MALRD1: variants seen among roughly 807,000 people sequenced by gnomAD.
MALRD1 encodes the protein MAM and LDL receptor class A domain containing 1, also known as MAM and LDL-receptor class A domain-containing protein 1.
A neutral mutation model predicts 242.1 loss-of-function variants in MALRD1; 247 were observed. The observed-to-expected ratio is 1.02, with a 90% CI of 0.92 to 1.13. The LOEUF (loss-of-function observed/expected upper bound fraction) is 1.13. Among genes scored for constraint, MALRD1 ranks in the 50% most tolerant of loss-of-function variants. The pLI, the probability that MALRD1 is intolerant of heterozygous loss-of-function variation, is 0.00. For synonymous variants in MALRD1, 995 were observed against 866.6 expected, an observed-to-expected ratio of 1.15 and a Z score of -2.60; for missense variants, 2,989 against 2,533.1, an observed-to-expected ratio of 1.18 and a Z score of -3.86.
intron 18 of MALRD1, among the ~76,000 whole-genome samples, chr10:19,241,643 T>C (rs1053193556): frequency 5.9e-5 from 9 of 152,108 alleles, no homozygotes; most frequent in African/African-American, 2.2e-4. Flanking sequence ...TGTATAATTT[T>C]GCTTTGTGAT....
intron 27 of MALRD1, chr10:19,389,200 C>G (rs750954686): frequency 1.7e-6 from 1 of 576,288 alleles, no homozygotes; most frequent in Non-Finnish European, 3.3e-6. Context: ...GTTGATGCGA[C>G]GGCATAAATA....
chr10:19,328,213 G>A (rs1843216537), intron 23 of MALRD1, among the ~76,000 whole-genome samples: 2 of 152,094 alleles, frequency 1.3e-5, no homozygotes, highest in African/African-American at 4.8e-5. Context: ...CTAGTACGAA[G>A]ATGAAAATGT....
chr10:19,201,527 C>T (rs191832028), intron 14 of MALRD1, among the ~76,000 whole-genome samples: 413 of 152,160 alleles, frequency 2.7e-3, no homozygotes, highest in Non-Finnish European at 4.5e-3. Context: ...GCTTTCTCCC[C>T]GTATTTACAT....
chr10:19,560,502 C>G (rs1835915470), intron 32 of MALRD1, among the ~76,000 whole-genome samples: 1 of 152,004 alleles, frequency 6.6e-6, no homozygotes, highest in Non-Finnish European at 1.5e-5. Context: ...TAAATAAAGA[C>G]ACATGCACAT....
chr10:19,466,198 A>T (rs1446246364), intron 29 of MALRD1, among the ~76,000 whole-genome samples: 1 of 152,082 alleles, frequency 6.6e-6, no homozygotes, highest in African/African-American at 2.4e-5. Flanking sequence ...ATTTATTCAG[A>T]AGTGGTCTGT....
chr10:19,113,686 C>G (rs761292011), intron 5 of MALRD1, among the ~76,000 whole-genome samples: 5 of 151,420 alleles, frequency 3.3e-5, no homozygotes, highest in Non-Finnish European at 7.4e-5. Context: ...TGTCCTTCCA[C>G]CATTTATGCT....
At position 19,331,596 on chromosome 10, in the gene MALRD1, T is replaced by A; in HGVS notation, c.3901+14T>A. Reference sequence around the variant, plus strand: ...CTTTCATTTGCCGTAAGTAAAAGGGTTCTGTTTTCTTACTTTTGCCTTCAA... The same window carrying A: ...CTTTCATTTGCCGTAAGTAAAAGGGATCTGTTTTCTTACTTTTGCCTTCAA... On this transcript the variant is annotated intron_variant, in intron 24 of 39. Coordinates refer to ENST00000454679, the MANE Select transcript of MALRD1 (RefSeq NM_001142308.3). 1 of 1,544,182 alleles carries A rather than the reference T, an allele frequency of 6.5e-7. No individual in the cohort carries two copies. The highest frequency in any genetic ancestry group is 1.4e-5 in the African/African-American group (1 of 73,016).
intron 1 of MALRD1, among the ~76,000 whole-genome samples, chr10:19,061,680 A>G (rs775049898): frequency 2.0e-5 from 3 of 152,148 alleles, no homozygotes; most frequent in Non-Finnish European, 4.4e-5. Flanking sequence ...CCCAAGACCA[A>G]TGGGGAAAGG....
intron 32 of MALRD1, among the ~76,000 whole-genome samples, chr10:19,550,438 A>G (rs1456480925): frequency 2.0e-5 from 3 of 152,068 alleles, no homozygotes; most frequent in African/African-American, 4.8e-5. Context: ...CATCACCTGT[A>G]TTAAGCCAAA....
chr10:19,300,171 A>G (rs1588877014), intron 21 of MALRD1, among the ~76,000 whole-genome samples: 1 of 151,976 alleles, frequency 6.6e-6, no homozygotes, highest in African/African-American at 2.4e-5. Context: ...AGGCAGGTGA[A>G]AGATCTTTAT....
chr10:19,726,601 T>TA (rs1835038532), intron 38 of MALRD1, among the ~76,000 whole-genome samples: 1 of 152,168 alleles, frequency 6.6e-6, no homozygotes, highest in Non-Finnish European at 1.5e-5. Context: ...CCTAGTTATA[T>TA]ACCTCGAAGA....
intron 31 of MALRD1, among the ~76,000 whole-genome samples, chr10:19,515,950 C>T (rs367812788): frequency 1.3e-5 from 2 of 152,158 alleles, no homozygotes; most frequent in Admixed American, 1.3e-4. Flanking sequence ...ATTACTTACA[C>T]CTATTTAATT....
At chr10:19,174,549 T>G (rs1835142458) in intron 13 of MALRD1, among the ~76,000 whole-genome samples, 1 of 152,082 alleles carries the variant, frequency 6.6e-6, no homozygotes, top group Non-Finnish European at 1.5e-5. Flanking sequence ...CCTTTCTCTC[T>G]CTCTCTCTCT....
intron 17 of MALRD1, among the ~76,000 whole-genome samples, chr10:19,208,116 G>C (rs754588371): frequency 4.9e-4 from 75 of 151,706 alleles, no homozygotes; most frequent in Non-Finnish European, 9.7e-4. Flanking sequence ...GTTGGTTGTG[G>C]GTTAGTGTAA....
At chr10:19,441,600 C>A (rs986001704) in intron 28 of MALRD1, among the ~76,000 whole-genome samples, 2 of 151,046 alleles carry the variant, frequency 1.3e-5, no homozygotes, top group Admixed American at 1.3e-4. Flanking sequence ...AATAGGGAAT[C>A]CTTCTAGTTT....
chr10:19,149,641 G>C (rs2131451347), intron 11 of MALRD1, among the ~76,000 whole-genome samples: 1 of 152,160 alleles, frequency 6.6e-6, no homozygotes, highest in Non-Finnish European at 1.5e-5. Flanking sequence ...GCTTATGGCA[G>C]TTGCTCCAAG....
chr10:19,554,756 G>T (rs1835641672), intron 32 of MALRD1, among the ~76,000 whole-genome samples: 1 of 152,128 alleles, frequency 6.6e-6, no homozygotes, highest in South Asian at 2.1e-4. Context: ...GCATTCTATG[G>T]TGTATATGCA....
chr10:19,233,471 C>T (rs1400292127), intron 18 of MALRD1, among the ~76,000 whole-genome samples: 1 of 152,072 alleles, frequency 6.6e-6, no homozygotes, highest in Non-Finnish European at 1.5e-5. Flanking sequence ...CATTGTACTC[C>T]AGCCTGAGTG....
chr10:19,158,678 G>A lies in MALRD1; in HGVS notation c.1656+3506G>A, dbSNP rs79158970. 6.5e-3 allele frequency among the ~76,000 whole-genome samples: 985 copies of A among 152,260 alleles called. 12 individuals are homozygous for A. Among genetic ancestry groups the A allele is most frequent in the African/African-American group, 0.023 (938 of 41,538 alleles). On this transcript the variant is annotated intron_variant, in intron 12 of 39. Coordinates refer to ENST00000454679, the MANE Select transcript of MALRD1 (RefSeq NM_001142308.3). ...CTACTGTGTGTTGATCACAGTCCTC[G>A]ATGCAGGGAATATAATGACAACAAC... is the stretch of plus-strand genomic sequence containing the variant.
Sources: gnomAD v4.1 joint callset for allele counts (sites outside exome capture counted in the v4.1 genomes callset) on GRCh38, gnomAD v4.1.1 for gene constraint, MANE v1.5 for transcripts, NCBI Gene and HGNC (gene_info 2026-07-23, HGNC 2026-07-21) for gene names.